BABAM2: variants seen among roughly 807,000 people sequenced by gnomAD.
The protein encoded by BABAM2 is BRISC and BRCA1-A complex member 2.
Under a neutral mutation model 54.7 loss-of-function variants are expected in BABAM2, and 31 were observed. The ratio of observed to expected loss-of-function variants is 0.57; its 90% confidence interval spans 0.43 to 0.77. BABAM2 has a LOEUF of 0.77. Ranked by LOEUF, BABAM2 falls within the 30% of genes least tolerant of loss-of-function variation. The pLI is 0.00. For missense variants in BABAM2, 364 were observed against 455.8 expected (o/e 0.80, Z 1.83); for synonymous variants, 167 against 162.9 (o/e 1.03, Z -0.19).
intron 10 of BABAM2, among the ~76,000 whole-genome samples, chr2:28,245,283 C>T (rs1682815261): frequency 6.6e-6 from 1 of 152,164 alleles, no homozygotes; most frequent in African/African-American, 2.4e-5. Context: ...TTCTAATTAT[C>T]TTTCCAGTAT....
intron 3 of BABAM2, among the ~76,000 whole-genome samples, chr2:27,967,020 A>G (rs2148442509): frequency 6.6e-6 from 1 of 152,344 alleles, no homozygotes; most frequent in Non-Finnish European, 1.5e-5. Context: ...TTATAAAATC[A>G]CATAGGGTCA....
At chr2:28,293,324 A>G (rs562427430) in intron 10 of BABAM2, among the ~76,000 whole-genome samples, 12 of 152,296 alleles carry the variant, frequency 7.9e-5, no homozygotes, top group African/African-American at 2.9e-4. Flanking sequence ...AGTCTTATGA[A>G]TTGAGATACC....
chr2:28,150,310 C>T (rs1322901909), intron 7 of BABAM2, among the ~76,000 whole-genome samples: 3 of 152,228 alleles, frequency 2.0e-5, no homozygotes, highest in African/African-American at 7.2e-5. Context: ...GTTCTATCTG[C>T]TGTCCCACAT....
At chr2:28,124,512 C>T (rs1372036801) in intron 6 of BABAM2, among the ~76,000 whole-genome samples, 2 of 152,090 alleles carry the variant, frequency 1.3e-5, no homozygotes, top group East Asian at 3.9e-4. Flanking sequence ...TTAACAAGGC[C>T]AGGAGCAGGG....
At chr2:28,002,733 AAGAG>A (rs1189492513) in intron 4 of BABAM2, among the ~76,000 whole-genome samples, 6 of 152,192 alleles carry the variant, frequency 3.9e-5, no homozygotes, top group African/African-American at 7.2e-5. Flanking sequence ...GCATTAATGA[AAGAG>A]AGAATACAGT....
At chr2:28,214,551 T>A (rs1679762678) in intron 7 of BABAM2, among the ~76,000 whole-genome samples, 1 of 152,186 alleles carries the variant, frequency 6.6e-6, no homozygotes, top group Admixed American at 6.5e-5. Context: ...GCCGTTTTAT[T>A]TTTTCCTTTC....
chr2:28,330,999 C>T (rs1690908162), intron 11 of BABAM2, among the ~76,000 whole-genome samples: 2 of 152,252 alleles, frequency 1.3e-5, no homozygotes, highest in South Asian at 4.1e-4. Context: ...ACAGGATAGA[C>T]ATCTCAGAAA....
At chr2:28,171,849 T>C (rs934741696) in intron 7 of BABAM2, among the ~76,000 whole-genome samples, 1 of 114,788 alleles carries the variant, frequency 8.7e-6, no homozygotes, top group Admixed American at 8.1e-5. Context: ...GATTGAAACC[T>C]TTTGTTCTTC....
chr2:27,961,621 A>G (rs1481052636), intron 3 of BABAM2, among the ~76,000 whole-genome samples: 1 of 151,808 alleles, frequency 6.6e-6, no homozygotes, highest in Non-Finnish European at 1.5e-5. Context: ...GAGTATCTGT[A>G]GTTAGCATGT....
chr2:28,215,566 CGTT>C (rs1679848846), intron 7 of BABAM2, among the ~76,000 whole-genome samples: 1 of 152,174 alleles, frequency 6.6e-6, no homozygotes, highest in East Asian at 1.9e-4. Context: ...TCAAACATCT[CGTT>C]GTTTGAATAA....
intron 5 of BABAM2, among the ~76,000 whole-genome samples, chr2:28,025,656 A>G (rs1393709627): frequency 2.0e-5 from 3 of 152,156 alleles, no homozygotes; most frequent in Non-Finnish European, 4.4e-5. Context: ...AGCCCCAGAT[A>G]TTCAGCAGTC....
chr2:28,005,446 T>C (rs1673887447), intron 4 of BABAM2, among the ~76,000 whole-genome samples: 1 of 152,190 alleles, frequency 6.6e-6, no homozygotes, highest in East Asian at 1.9e-4. Context: ...TAAAAATTTT[T>C]GTGCTGTTTT....
intron 10 of BABAM2, among the ~76,000 whole-genome samples, chr2:28,256,404 T>C (rs1014173460): frequency 3.3e-5 from 5 of 152,198 alleles, no homozygotes; most frequent in Admixed American, 1.3e-4. Flanking sequence ...TAAATTTCAG[T>C]TAAAGGTTGT....
chr2:28,123,442 G>A (rs1669246225), intron 6 of BABAM2, among the ~76,000 whole-genome samples: 1 of 151,780 alleles, frequency 6.6e-6, no homozygotes, highest in South Asian at 2.1e-4. Flanking sequence ...TTCAAATGGT[G>A]CAGATACAGA....
intron 10 of BABAM2, among the ~76,000 whole-genome samples, chr2:28,264,334 T>G (rs1684795078): frequency 6.6e-6 from 1 of 152,192 alleles, no homozygotes; most frequent in Non-Finnish European, 1.5e-5. Flanking sequence ...ATACACAGAT[T>G]CCCTGTATTG....
intron 10 of BABAM2, among the ~76,000 whole-genome samples, chr2:28,247,947 G>C (rs952629241): frequency 2.6e-5 from 4 of 152,110 alleles, no homozygotes; most frequent in African/African-American, 9.7e-5. Flanking sequence ...GGGGACTGTG[G>C]CCATGATTGT....
intron 4 of BABAM2, among the ~76,000 whole-genome samples, chr2:28,006,719 C>T (rs1178599365): frequency 6.6e-6 from 1 of 151,994 alleles, no homozygotes; most frequent in African/African-American, 2.4e-5. Context: ...ACAGGAGCAA[C>T]TAGAGAGTTA....
At chr2:28,019,386 G>A (rs1217027282) in intron 4 of BABAM2, among the ~76,000 whole-genome samples, 2 of 152,088 alleles carry the variant, frequency 1.3e-5, no homozygotes, top group East Asian at 3.9e-4. Context: ...GTAGATTCTG[G>A]ATATTAGTTG....
At chr2:28,176,598 C>CAAAAAAAAAAAA (rs1675005569) in intron 7 of BABAM2, among the ~76,000 whole-genome samples, 1 of 36,988 alleles carries the variant, frequency 2.7e-5, no homozygotes, top group African/African-American at 8.9e-5. Context: ...AAAAAAAAAC[C>CAAAAAAAAAAAA]TCACTGAGAT....
Sources: allele counts gnomAD v4.1 joint callset (sites outside exome capture counted in the v4.1 genomes callset), GRCh38; gene constraint gnomAD v4.1.1; transcripts MANE v1.5; gene names NCBI Gene and HGNC (gene_info 2026-07-23, HGNC 2026-07-21).